The following RPA3 variants were observed in gnomAD, a reference collection of about 807,000 sequenced individuals.
The protein encoded by RPA3 is replication protein A3.
In RPA3, 24 loss-of-function variants were observed where a neutral mutation model predicts 13.7. That is an observed-to-expected ratio of 1.75 (90% CI 1.27 to 2.46). RPA3 has a LOEUF of 2.46. RPA3 is among the 30% of genes most tolerant of loss of function. The probability of loss-of-function intolerance (pLI) is 0.00; values close to 1 mark genes in which losing one functional copy is unlikely to be tolerated. For missense variants in RPA3, 183 were observed against 151.0 expected, an observed-to-expected ratio of 1.21 and a Z score of -1.11; for synonymous variants, 59 against 51.2, an observed-to-expected ratio of 1.15 and a Z score of -0.65.
At chr7:7,716,791 A>T (rs2115177639) in intron 1 of RPA3, among the ~76,000 whole-genome samples, 1 of 152,280 alleles carries the variant, frequency 6.6e-6, no homozygotes, top group East Asian at 1.9e-4. Flanking sequence ...TAAAAGCACA[A>T]AAAAATTAGG....
intron 3 of RPA3, among the ~76,000 whole-genome samples, chr7:7,686,242 G>A (rs1004669158): frequency 1.3e-5 from 2 of 152,156 alleles, no homozygotes; most frequent in African/African-American, 4.8e-5. Flanking sequence ...TACATAGGCA[G>A]GGCCAGTATT....
At position 7,670,134 on chromosome 7, in the gene RPA3, G is replaced by A. The variant is rs568101661; in HGVS notation, c.-758+15696C>T. Among the ~76,000 whole-genome samples the A allele has an allele frequency of 5.9e-5, 9 of 152,262 alleles. No homozygotes were observed. The South Asian group carries it at 1.7e-3, about 28-fold the overall frequency. On this transcript the variant is annotated intron_variant, in intron 4 of 7. Coordinates refer to ENST00000223129, the MANE Select transcript of RPA3 (RefSeq NM_002947.5). ...ACAATACTTGGGTTAAAAACAGGTT[G>A]TTTGTTTTCTTATACTACACTTGAG...
intron 5 of RPA3, among the ~76,000 whole-genome samples, chr7:7,639,412 T>C (rs1469906067): frequency 6.6e-6 from 1 of 152,196 alleles, no homozygotes; most frequent in African/African-American, 2.4e-5. Flanking sequence ...GCAACCCTAT[T>C]CTGATAACAA....
intron 2 of RPA3, among the ~76,000 whole-genome samples, chr7:7,714,068 G>T (rs1756902796): frequency 6.6e-6 from 1 of 152,188 alleles, no homozygotes; most frequent in African/African-American, 2.4e-5. Context: ...TCCAAAAATT[G>T]AGTTTTTTTG....
intron 2 of RPA3, among the ~76,000 whole-genome samples, chr7:7,690,181 A>G (rs1021057962): frequency 6.6e-6 from 1 of 152,322 alleles, no homozygotes; most frequent in South Asian, 2.1e-4. Context: ...ATGATAATGT[A>G]GTCTTTAACT....
At chr7:7,715,785 T>C (rs1341519694) in intron 1 of RPA3, among the ~76,000 whole-genome samples, 1 of 152,212 alleles carries the variant, frequency 6.6e-6, no homozygotes, top group African/African-American at 2.4e-5. Context: ...TGAGTTTTAA[T>C]TTGGGAAAAG....
intron 2 of RPA3, among the ~76,000 whole-genome samples, chr7:7,695,261 T>C (rs1315700066): frequency 6.6e-6 from 1 of 152,210 alleles, no homozygotes; most frequent in Non-Finnish European, 1.5e-5. Context: ...ATAATTTGTT[T>C]ACTTGCTGTC....
At chr7:7,700,448 G>A (rs1234141448) in intron 2 of RPA3, among the ~76,000 whole-genome samples, 1 of 152,148 alleles carries the variant, frequency 6.6e-6, no homozygotes, top group Middle Eastern at 3.2e-3. Context: ...AAGTCAGGCT[G>A]GGTGCAGTGG....
chr7:7,665,738 T>G (rs1204591409), intron 4 of RPA3, among the ~76,000 whole-genome samples: 1 of 152,122 alleles, frequency 6.6e-6, no homozygotes. Context: ...TTTCTTTCAC[T>G]GTACACTAGT....
intron 4 of RPA3, among the ~76,000 whole-genome samples, chr7:7,643,888 G>A (rs547164314): frequency 6.6e-6 from 1 of 152,098 alleles, no homozygotes; most frequent in Admixed American, 6.5e-5. Context: ...ACTTGCCTGG[G>A]TCTCTGTTTC....
chr7:7,709,518 AC>A (rs1780694975), intron 2 of RPA3, among the ~76,000 whole-genome samples: 1 of 152,180 alleles, frequency 6.6e-6, no homozygotes, highest in South Asian at 2.1e-4. Context: ...TGACTGGGGG[AC>A]TTGAAGTTGA....
Position 7,636,776 on chromosome 7 carries a change from T to G in RPA3, c.*224A>C. On this transcript the variant is annotated 3_prime_UTR_variant, in exon 8 of 8. Coordinates refer to ENST00000223129, the MANE Select transcript of RPA3 (RefSeq NM_002947.5). ...AACTTAGACTCGGACAACTGCTTTA[T>G]TCTTGCATCTAATCTGACCATATAT... 2.2e-6 allele frequency: 1 copy of G among 451,838 alleles called. No individual in the cohort carries two copies. The highest frequency in any genetic ancestry group is 3.9e-5 in the East Asian group (1 of 25,392). 28.0% of individuals were successfully genotyped at this position (451,838 alleles called of 1,614,324 possible).
rs748146708 is a variant in RPA3 at position 7,637,914 on chromosome 7, G to A, written c.233C>T (p.Thr78Ile). 2.5e-6 allele frequency: 4 copies of A among 1,613,672 alleles called. No individual in the cohort carries two copies. Among genetic ancestry groups the A allele is most frequent in the Non-Finnish European group, 3.4e-6 (4 of 1,179,760 alleles). ...CTGGACATAAGATGTACACAAGATG[G>A]TGGCCTTGGCGGTTACTCTTCCAAC... ...EVVGRVTAKA[T>I]ILCTSYVQFK... The change falls in exon 7 of 8, where the codon ACC becomes ATC. Residue 78 changes from threonine (T) to isoleucine (I), a missense_variant. By Grantham distance (89) the Thr-to-Ile change is moderately conservative. Transcript: ENST00000223129.
intron 2 of RPA3, among the ~76,000 whole-genome samples, chr7:7,710,993 G>C (rs11773013): frequency 6.6e-6 from 1 of 152,008 alleles, no homozygotes; most frequent in Admixed American, 6.6e-5. Flanking sequence ...TGACCAAACT[G>C]TACACAAAAA....
intron 4 of RPA3, among the ~76,000 whole-genome samples, chr7:7,649,457 C>T (rs751119490): frequency 7.2e-5 from 11 of 152,224 alleles, no homozygotes; most frequent in Non-Finnish European, 1.6e-4. Context: ...TCCCAGCTCT[C>T]AACACTGTTG....
At chr7:7,703,739 A>T (rs1563138178) in intron 2 of RPA3, among the ~76,000 whole-genome samples, 1 of 152,192 alleles carries the variant, frequency 6.6e-6, no homozygotes, top group Non-Finnish European at 1.5e-5. Flanking sequence ...CAGGAGTTTG[A>T]GATCAGCCTG....
rs1289173578 is a variant in RPA3, at chr7:7,709,828, G to A, written c.-1028+5347C>T. Among the ~76,000 whole-genome samples the A allele has an allele frequency of 6.6e-5, 10 of 151,768 alleles. 1 individual carries two copies. Among genetic ancestry groups the A allele is most frequent in the African/African-American group, 2.4e-4 (10 of 41,368 alleles). On this transcript the variant is annotated intron_variant, in intron 2 of 7. Coordinates refer to ENST00000223129, the MANE Select transcript of RPA3 (RefSeq NM_002947.5). The stretch of plus-strand genomic sequence containing the variant: ...AACATATTCAGAATGACAATGTGAT[G>A]AACACCTGTGTACCCACCAATTGGT...
At chr7:7,675,370 C>G (rs1779713214) in intron 4 of RPA3, among the ~76,000 whole-genome samples, 1 of 152,140 alleles carries the variant, frequency 6.6e-6, no homozygotes, top group Non-Finnish European at 1.5e-5. Flanking sequence ...ACCACCACTG[C>G]AGTGGCTCCT....
chr7:7,677,246 G>A (rs1341541187), intron 4 of RPA3, among the ~76,000 whole-genome samples: 2 of 151,898 alleles, frequency 1.3e-5, no homozygotes, highest in African/African-American at 4.8e-5. Context: ...CTTTGTGTTA[G>A]CAACATTCAA....
Sources: gnomAD v4.1 joint callset for allele counts (sites outside exome capture counted in the v4.1 genomes callset) on GRCh38, gnomAD v4.1.1 for gene constraint, MANE v1.5 for transcripts, NCBI Gene and HGNC (gene_info 2026-07-23, HGNC 2026-07-21) for gene names.